INTS6: variants seen among roughly 807,000 people sequenced by gnomAD.
INTS6 encodes integrator complex subunit 6.
Under a neutral mutation model 104.9 loss-of-function variants are expected in INTS6, and 16 were observed. The ratio of observed to expected loss-of-function variants is 0.15; its 90% CI spans 0.10 to 0.23. INTS6 has a LOEUF of 0.23. Ranked by LOEUF, INTS6 falls within the 10% of genes least tolerant of loss-of-function variation. The pLI is 1.00. For missense variants in INTS6, 584 were observed against 1,062.8 expected, an observed-to-expected ratio of 0.55 and a Z score of 6.26; for synonymous variants, 324 against 358.7, an observed-to-expected ratio of 0.90 and a Z score of 1.09.
downstream of INTS6, among the ~76,000 whole-genome samples, chr13:51,361,087 T>C (rs754507162): frequency 3.3e-5 from 5 of 152,014 alleles, no homozygotes; most frequent in Non-Finnish European, 7.4e-5. Flanking sequence ...TATTGAGTCT[T>C]AAGAATTTTC....
intron 16 of INTS6, among the ~76,000 whole-genome samples, chr13:51,368,500 A>C (rs542796455): frequency 6.6e-6 from 1 of 152,308 alleles, no homozygotes; most frequent in South Asian, 2.1e-4. Flanking sequence ...TATACCAGAG[A>C]GCTTTCATAA....
At chr13:51,376,390 C>A (rs945793702) in intron 12 of INTS6, among the ~76,000 whole-genome samples, 2 of 152,072 alleles carry the variant, frequency 1.3e-5, no homozygotes, top group Non-Finnish European at 2.9e-5. Flanking sequence ...CTCAATTCAC[C>A]ATCTAACTCT....
At chr13:51,426,907 G>C (rs1371956136) in intron 4 of INTS6, among the ~76,000 whole-genome samples, 1 of 152,096 alleles carries the variant, frequency 6.6e-6, no homozygotes, top group African/African-American at 2.4e-5. Context: ...CTTTGGAATT[G>C]ATAAATTCTA....
At chr13:51,372,344 A>T in intron 15 of INTS6, among the ~76,000 whole-genome samples, 1 of 149,216 alleles carries the variant, frequency 6.7e-6, no homozygotes. Flanking sequence ...ACAACTACCC[A>T]CTCAATTATC....
Position 51,369,271 on chromosome 13 carries a change from A to G in INTS6, c.2144T>C (p.Val715Ala). The G allele has an allele frequency of 6.2e-7, 1 of 1,613,286 alleles. No individual in the cohort carries two copies. Residue 715 changes from valine (V) to alanine (A), a missense_variant, in exon 16 of 18, where the codon GTT becomes GCT. This residue lies in a region of INTS6 where 296 missense variants were observed against 437.0 expected (regional missense o/e 0.68). Coordinates refer to ENST00000311234, the MANE Select transcript of INTS6 (RefSeq NM_012141.3). The part of the protein sequence containing the change: ...TTNDSIIHDV[V>A]ENHVADQLSS... ...AAGTTGGTCTGCAACATGATTTTCA[A>G]CCACATCATGTATTATCGAATCATT...
At chr13:51,416,209 G>C (rs938472430) in intron 4 of INTS6, among the ~76,000 whole-genome samples, 3 of 152,170 alleles carry the variant, frequency 2.0e-5, no homozygotes, top group African/African-American at 7.2e-5. Flanking sequence ...AAATAGAGAA[G>C]ATAGGCACCA....
intron 4 of INTS6, among the ~76,000 whole-genome samples, chr13:51,403,594 GAAAA>G (rs1183193640): frequency 1.6e-5 from 1 of 63,016 alleles, no homozygotes; most frequent in Admixed American, 1.8e-4. Context: ...AAAAAAAAAA[GAAAA>G]AAAAAAGAAA....
At chr13:51,411,552 CAA>C (rs59096568) in intron 4 of INTS6, among the ~76,000 whole-genome samples, 7 of 118,062 alleles carry the variant, frequency 5.9e-5, no homozygotes, top group Admixed American at 8.8e-5. Flanking sequence ...GACTCCATCT[CAA>C]AAAAAAAAAA....
intron 4 of INTS6, chr13:51,422,957 G>A (rs919998473): frequency 5.9e-5 from 44 of 745,838 alleles, no homozygotes; most frequent in South Asian, 1.3e-4. Flanking sequence ...CTTTCTTTAC[G>A]CTGTCTCAGA....
At chr13:51,377,389 G>A (rs1955955543) in intron 12 of INTS6, among the ~76,000 whole-genome samples, 1 of 151,802 alleles carries the variant, frequency 6.6e-6, no homozygotes, top group South Asian at 2.1e-4. Context: ...CAACATTTTT[G>A]CTATGTGCTT....
intron 3 of INTS6, chr13:51,449,921 T>C: frequency 3.0e-6 from 3 of 985,176 alleles, no homozygotes; most frequent in Non-Finnish European, 3.6e-6. Flanking sequence ...AATTTCAGTG[T>C]ACATTTTAAA....
intron 3 of INTS6, chr13:51,450,140 A>G (rs998864899): frequency 1.6e-5 from 16 of 985,080 alleles, no homozygotes; most frequent in Non-Finnish European, 1.9e-5. Context: ...CATATACCCA[A>G]TATATAATTA....
intron 15 of INTS6, among the ~76,000 whole-genome samples, chr13:51,373,169 TTTGATTACA>T (rs1456470007): frequency 1.3e-5 from 2 of 152,022 alleles, no homozygotes; most frequent in Admixed American, 1.3e-4. Flanking sequence ...TATAAATTGG[TTTGATTACA>T]TTGATGTTCA....
chr13:51,413,025 G>C lies in INTS6; in HGVS notation c.429+17269C>G, dbSNP rs115703872. 1.0e-3 allele frequency among the ~76,000 whole-genome samples: 159 copies of C among 152,268 alleles called. 1 individual carries two copies. The highest frequency in any genetic ancestry group is 3.8e-3 in the African/African-American group (156 of 41,556). On this transcript the variant is annotated intron_variant, in intron 4 of 17. Coordinates refer to ENST00000311234, the MANE Select transcript of INTS6 (RefSeq NM_012141.3). ...TGCTTCAAAATTTTATTCAGGGTCT[G>C]AACAGCAACTGTGTGACTATTATGT...
At chr13:51,377,171 T>C (rs891481239) in intron 12 of INTS6, among the ~76,000 whole-genome samples, 4 of 152,162 alleles carry the variant, frequency 2.6e-5, no homozygotes, top group African/African-American at 9.6e-5. Flanking sequence ...TTATTTGTAT[T>C]TGCATATTTT....
At chr13:51,422,587 G>A (rs1956915469) in intron 4 of INTS6, among the ~76,000 whole-genome samples, 1 of 152,104 alleles carries the variant, frequency 6.6e-6, no homozygotes, top group South Asian at 2.1e-4. Context: ...ATATCTTCTA[G>A]GTTGTTACAT....
intron 16 of INTS6, among the ~76,000 whole-genome samples, chr13:51,368,128 A>AT (rs1955729611): frequency 6.6e-6 from 1 of 152,152 alleles, no homozygotes; most frequent in Non-Finnish European, 1.5e-5. Flanking sequence ...AAAAGTTCCT[A>AT]TTAAGGTATC....
At chr13:51,388,047 A>G (rs2137938774) in intron 6 of INTS6, among the ~76,000 whole-genome samples, 1 of 152,336 alleles carries the variant, frequency 6.6e-6, no homozygotes, top group East Asian at 1.9e-4. Flanking sequence ...CAAAGCACCT[A>G]CCTTTAATCT....
chr13:51,429,776 A>AAC, intron 4 of INTS6, among the ~76,000 whole-genome samples: 1 of 135,412 alleles, frequency 7.4e-6, no homozygotes, highest in Non-Finnish European at 1.6e-5. Flanking sequence ...AAAAAAAAAA[A>AAC]AAAAAAAAAA....
Sources: gnomAD v4.1 joint callset for allele counts (sites outside exome capture counted in the v4.1 genomes callset) on GRCh38, gnomAD v4.1.1 for gene constraint, gnomAD v4.1.1 regional missense constraint, MANE v1.5 for transcripts, NCBI Gene and HGNC (gene_info 2026-07-23, HGNC 2026-07-21) for gene names.